The following SDK2 variants were observed in gnomAD, a reference collection of about 807,000 sequenced individuals.
The protein encoded by SDK2 is protein sidekick-2.
Under a neutral mutation model 253.9 loss-of-function variants are expected in SDK2, and 105 were observed. The ratio of observed to expected loss-of-function variants is 0.41; its 90% confidence interval spans 0.35 to 0.49. SDK2 has a LOEUF of 0.49. SDK2 is among the 20% of genes least tolerant of loss of function. SDK2 has a pLI of 0.06. For missense variants in SDK2, 2,608 were observed against 3,003.0 expected (o/e 0.87, Z 3.07); for synonymous variants, 1,249 against 1,234.9 (o/e 1.01, Z -0.24).
At chr17:73,635,412 T>C (rs1274212757) in intron 1 of SDK2, among the ~76,000 whole-genome samples, 1 of 152,150 alleles carries the variant, frequency 6.6e-6, no homozygotes, top group African/African-American at 2.4e-5. Flanking sequence ...TAACTCACAT[T>C]ATGTGGTGAC....
intron 18 of SDK2, among the ~76,000 whole-genome samples, chr17:73,410,928 G>C (rs1293677894): frequency 4.6e-5 from 7 of 152,174 alleles, no homozygotes; most frequent in African/African-American, 1.7e-4. Context: ...CCTCGGGGGA[G>C]CTGTTTGCCT....
intron 1 of SDK2, among the ~76,000 whole-genome samples, chr17:73,545,006 CCTT>C (rs916745950): frequency 5.9e-5 from 9 of 152,100 alleles, no homozygotes; most frequent in African/African-American, 9.7e-5. Flanking sequence ...GGCCTCCACT[CCTT>C]CTTCCTTGGG....
chr17:73,379,613 C>A lies in SDK2; in HGVS notation c.4763-64G>T. On this transcript the variant is annotated intron_variant, in intron 34 of 44. Transcript: ENST00000392650. This position sits in a 1 kb window ranked among gnomAD's most constrained non-coding sequence, Gnocchi z 4.5. ...CACCGTCATTGCTGGGAAGGTGTCC[C>A]CAGGGAGGGTGGAGGCTGCAGGGGG... 1 of 1,014,594 alleles carries A rather than the reference C, an allele frequency of 9.9e-7. No individual in the cohort carries two copies. The highest frequency in any genetic ancestry group is 2.4e-5 in the East Asian group (1 of 41,152). 62.8% of individuals were successfully genotyped at this position (1,014,594 alleles called of 1,614,324 possible). A position where few individuals can be genotyped will look rare whatever the true frequency, so the allele number is the denominator to read the frequency against.
At chr17:73,568,132 G>T (rs1419826970) in intron 1 of SDK2, among the ~76,000 whole-genome samples, 1 of 152,172 alleles carries the variant, frequency 6.6e-6, no homozygotes, top group Non-Finnish European at 1.5e-5. Context: ...TGTTTGTGTT[G>T]GGAGGCAGAT....
At chr17:73,450,365 A>G (rs1453180409) in intron 4 of SDK2, among the ~76,000 whole-genome samples, 1 of 152,208 alleles carries the variant, frequency 6.6e-6, no homozygotes, top group Non-Finnish European at 1.5e-5. Context: ...CATTAGGCCC[A>G]AGATAGCCCT....
At chr17:73,628,925 C>A (rs977953229) in intron 1 of SDK2, among the ~76,000 whole-genome samples, 6 of 152,190 alleles carry the variant, frequency 3.9e-5, no homozygotes, top group African/African-American at 9.7e-5. Context: ...TGCCCAGACC[C>A]CCCTGGACGT....
chr17:73,407,233 C>T (rs945286077), intron 18 of SDK2, among the ~76,000 whole-genome samples: 4 of 152,126 alleles, frequency 2.6e-5, no homozygotes, highest in Admixed American at 6.6e-5. Context: ...ATGGCCGATG[C>T]CTGGCACAGT....
At chr17:73,475,450 C>T (rs979646939) in intron 2 of SDK2, among the ~76,000 whole-genome samples, 6 of 152,082 alleles carry the variant, frequency 3.9e-5, no homozygotes, top group Non-Finnish European at 5.9e-5. Flanking sequence ...TGGCTCCCAG[C>T]GAGCTGGCCT....
intron 2 of SDK2, among the ~76,000 whole-genome samples, chr17:73,487,343 A>C (rs1599612526): frequency 6.6e-6 from 1 of 152,358 alleles, no homozygotes; most frequent in East Asian, 1.9e-4. Context: ...GGCTGACCCA[A>C]GGCTGGGGCT....
chr17:73,514,781 G>A (rs1485657001), intron 1 of SDK2, among the ~76,000 whole-genome samples: 1 of 152,180 alleles, frequency 6.6e-6, no homozygotes, highest in African/African-American at 2.4e-5. Context: ...AACAGGGTGG[G>A]AGCTGGGATT....
In SDK2 at chr17:73,423,503, C is replaced by T. The variant is rs774668096; in HGVS notation, c.1780G>A (p.Glu594Lys). The change falls in exon 14 of 45, where the codon GAG becomes AAG. Residue 594 changes from glutamate to lysine, a missense_variant. Glu to Lys is a moderately conservative substitution (Grantham distance 56). Transcript: ENST00000392650. The stretch of plus-strand genomic sequence containing the variant: ...GTGCTGAGAGTGGCCACTGGGTGCT[C>T]GGGCGCGTGGGGCAGTTGCCTGGAA... ...LRVRQLPHAP[E>K]HPVATLSTVE... The T allele has an allele frequency of 1.4e-5, 22 of 1,577,260 alleles. No individual in the cohort carries two copies. The East Asian group carries it at 2.3e-4, about 17-fold the overall frequency.
intron 1 of SDK2, among the ~76,000 whole-genome samples, chr17:73,571,984 T>C (rs955515723): frequency 2.0e-5 from 3 of 152,146 alleles, no homozygotes; most frequent in Non-Finnish European, 4.4e-5. Flanking sequence ...GCCAGCACCC[T>C]GGGCATGCCG....
At chr17:73,374,980 C>T (rs112141635) in intron 36 of SDK2, among the ~76,000 whole-genome samples, 1 of 152,122 alleles carries the variant, frequency 6.6e-6, no homozygotes, top group African/African-American at 2.4e-5. Flanking sequence ...ACTCAGAGGA[C>T]TTCACTCAAG....
At chr17:73,372,034 G>A (rs1412451246) in intron 36 of SDK2, among the ~76,000 whole-genome samples, 2 of 152,100 alleles carry the variant, frequency 1.3e-5, no homozygotes, top group African/African-American at 2.4e-5. Context: ...TGCCCTGCCC[G>A]TGGGAGCTAT....
chr17:73,509,700 G>A (rs1312716611), intron 1 of SDK2, among the ~76,000 whole-genome samples: 7 of 150,502 alleles, frequency 4.7e-5, no homozygotes, highest in African/African-American at 7.3e-5. Flanking sequence ...GGAGTAACAC[G>A]GTGCCTGGGC....
chr17:73,570,939 G>T lies in SDK2; in HGVS notation c.65-63342C>A, dbSNP rs74820886. 0.029 allele frequency among the ~76,000 whole-genome samples: 4,365 copies of T among 152,192 alleles called. 191 individuals are homozygous for T. Among genetic ancestry groups the T allele is most frequent in the African/African-American group, 0.093 (3,851 of 41,506 alleles). On this transcript the variant is annotated intron_variant, in intron 1 of 44. Coordinates refer to ENST00000392650, the MANE Select transcript of SDK2 (RefSeq NM_001144952.2). This position sits in a 1 kb window ranked among gnomAD's most constrained non-coding sequence, Gnocchi z 4.2. ...CCTCAGCCCACAGCCTGGGGTCAAG[G>T]GTGACTATTGTGAGCCCTGGTCTGG...
chr17:73,371,533 C>T (rs183414633), intron 36 of SDK2, among the ~76,000 whole-genome samples: 9 of 152,034 alleles, frequency 5.9e-5, no homozygotes, highest in Non-Finnish European at 1.2e-4. Context: ...GGTGGGGTGG[C>T]GGGGATGAGA....
chr17:73,584,250 T>C (rs892089535), intron 1 of SDK2, among the ~76,000 whole-genome samples: 5 of 152,136 alleles, frequency 3.3e-5, no homozygotes, highest in African/African-American at 1.2e-4. Context: ...TAGGATGAAG[T>C]GGCTGGCAGG....
chr17:73,552,966 G>A (rs2045085467), intron 1 of SDK2, among the ~76,000 whole-genome samples: 2 of 152,244 alleles, frequency 1.3e-5, no homozygotes. Context: ...AGACCCGTTT[G>A]GGTTCTGGGT....
Sources: gnomAD v4.1 joint callset for allele counts (sites outside exome capture counted in the v4.1 genomes callset) on GRCh38, gnomAD v4.1.1 for gene constraint, Gnocchi (gnomAD v3.1) non-coding constraint, MANE v1.5 for transcripts, NCBI Gene and HGNC (gene_info 2026-07-23, HGNC 2026-07-21) for gene names.